The following PLEKHA7 variants were observed in gnomAD, a reference collection of about 807,000 sequenced individuals.
PLEKHA7 encodes the protein pleckstrin homology domain containing A7, also known as pleckstrin homology domain-containing family A member 7.
A neutral mutation model predicts 170.0 loss-of-function variants in PLEKHA7; 104 were observed. The ratio of observed to expected loss-of-function variants is 0.61; its 90% CI spans 0.52 to 0.72. The LOEUF is 0.72. Among genes scored for constraint, PLEKHA7 ranks in the 30% least tolerant of loss-of-function variants. The probability of loss-of-function intolerance (pLI) is 0.00; values close to 1 mark genes in which losing one functional copy is unlikely to be tolerated. For missense variants in PLEKHA7, 1,615 were observed against 1,671.7 expected (o/e 0.97, Z 0.59); for synonymous variants, 648 against 660.8 (o/e 0.98, Z 0.30).
intron 6 of PLEKHA7, among the ~76,000 whole-genome samples, chr11:16,853,965 G>C (rs1004893292): frequency 1.3e-5 from 2 of 152,228 alleles, no homozygotes; most frequent in African/African-American, 2.4e-5. Flanking sequence ...GATATTTTTA[G>C]ATGCTATGCT....
chr11:16,948,383 A>T (rs1470674841), intron 3 of PLEKHA7, among the ~76,000 whole-genome samples: 3 of 152,226 alleles, frequency 2.0e-5, no homozygotes, highest in African/African-American at 7.2e-5. Flanking sequence ...GCCATTCCAC[A>T]GCTATCAAAA....
At position 16,789,305 on chromosome 11, in the gene PLEKHA7, G is replaced by A; in HGVS notation, c.3157-9C>T. 6.2e-7 allele frequency: 1 copy of A among 1,612,322 alleles called. No homozygotes were observed. The highest frequency in any genetic ancestry group is 1.1e-5 in the South Asian group (1 of 91,072). ...AAGGCACTCTTAGGTCTCTGAGGAAGAGGAGGCAGGCAAGAGAGACACAGA... is the reference window on the plus strand; with the variant it reads ...AAGGCACTCTTAGGTCTCTGAGGAAAAGGAGGCAGGCAAGAGAGACACAGA... On this transcript the variant is annotated splice_polypyrimidine_tract_variant and intron_variant, in intron 22 of 26. Coordinates refer to ENST00000531066, the MANE Select transcript of PLEKHA7 (RefSeq NM_001329630.2). This position sits in a 1 kb window ranked among gnomAD's most constrained non-coding sequence, Gnocchi z 4.6.
intron 3 of PLEKHA7, among the ~76,000 whole-genome samples, chr11:16,925,670 G>C (rs1237146769): frequency 6.6e-6 from 1 of 152,174 alleles, no homozygotes; most frequent in African/African-American, 2.4e-5. Context: ...GGAGCGCGCC[G>C]GGGCCTCAGC....
chr11:16,880,010 A>C lies in PLEKHA7; in HGVS notation c.222-8828T>G, dbSNP rs573565016. On this transcript the variant is annotated intron_variant, in intron 3 of 26. Coordinates refer to ENST00000531066, the MANE Select transcript of PLEKHA7 (RefSeq NM_001329630.2). ...ATTTCACAGGATCCCAGCAGCCATG[A>C]GAACATTAAAGCCAAGATTCTGATA... 3.7e-4 allele frequency among the ~76,000 whole-genome samples: 56 copies of C among 152,356 alleles called. No individual in the cohort carries two copies. In the South Asian group the frequency reaches 0.011, roughly 30 times the overall value.
At chr11:16,913,901 C>A (rs893874877) in intron 3 of PLEKHA7, among the ~76,000 whole-genome samples, 1 of 152,134 alleles carries the variant, frequency 6.6e-6, no homozygotes, top group Non-Finnish European at 1.5e-5. Context: ...TGTGCTTATT[C>A]TTTGATCTAG....
intron 3 of PLEKHA7, among the ~76,000 whole-genome samples, chr11:16,952,403 G>T (rs1427465419): frequency 6.6e-6 from 1 of 152,114 alleles, no homozygotes; most frequent in African/African-American, 2.4e-5. Flanking sequence ...AACATAGAGT[G>T]CTTGGGGCCC....
rs1238748957 is a variant in PLEKHA7, at chr11:16,783,800, G to A, written c.3550C>T (p.Arg1184Cys). ...TCTTCGGGATCTAGCTCCACGTAGC[G>A]CTCAGGGATTGACACCTTCTCTGGT... ...SKPEKVSIPE[R>C]YVELDPEEPP... is the part of the protein sequence containing the mutation. The change falls in exon 25 of 27, where the codon CGC (arginine) becomes TGC (cysteine). Residue 1184 changes from arginine (R) to cysteine (C), a missense_variant. Transcript: ENST00000531066. The A allele has an allele frequency of 2.6e-6, 4 of 1,510,236 alleles. No individual in the cohort carries two copies. The highest frequency in any genetic ancestry group is 3.5e-6 in the Non-Finnish European group (4 of 1,134,576). The allele number at this position is 1,510,236 out of a possible 1,614,324, so 93.6% of individuals were successfully genotyped here. A position where few individuals can be genotyped will look rare whatever the true frequency, so the allele number is the denominator to read the frequency against.
chr11:17,007,509 A>T (rs983253688), intron 3 of PLEKHA7, among the ~76,000 whole-genome samples: 2 of 151,666 alleles, frequency 1.3e-5, no homozygotes, highest in Non-Finnish European at 2.9e-5. Context: ...ATTTTTTTTT[A>T]AATGACAAGT....
rs945566167 is a variant in PLEKHA7, at chr11:16,789,312, C to G, written c.3157-16G>C. ...TCTTAGGTCTCTGAGGAAGAGGAGG[C>G]AGGCAAGAGAGACACAGAACAGCTG... On this transcript the variant is annotated splice_polypyrimidine_tract_variant and intron_variant, in intron 22 of 26. Coordinates refer to ENST00000531066, the MANE Select transcript of PLEKHA7 (RefSeq NM_001329630.2). The surrounding 1 kb of genome is among the most constrained non-coding windows in gnomAD (Gnocchi z 4.6). The G allele has an allele frequency of 6.2e-7, 1 of 1,611,340 alleles. No homozygotes were observed. The highest frequency in any genetic ancestry group is 1.7e-5 in the Admixed American group (1 of 60,018).
chr11:16,992,081 C>CT (rs1236270142), intron 3 of PLEKHA7, among the ~76,000 whole-genome samples: 1 of 152,032 alleles, frequency 6.6e-6, no homozygotes, highest in African/African-American at 2.4e-5. Context: ...AGGGACCCCC[C>CT]CCAGCCTGGG....
chr11:16,940,454 A>G (rs1860614070), intron 3 of PLEKHA7, among the ~76,000 whole-genome samples: 1 of 151,572 alleles, frequency 6.6e-6, no homozygotes, highest in Non-Finnish European at 1.5e-5. Context: ...TGCCTGGCTA[A>G]TTTTTTTGTA....
intron 3 of PLEKHA7, among the ~76,000 whole-genome samples, chr11:16,887,994 T>G (rs547767455): frequency 2.3e-3 from 327 of 144,852 alleles, no homozygotes; most frequent in African/African-American, 8.3e-3. Context: ...GGGGAGCACC[T>G]CTGCCCCGCC....
chr11:16,791,771 C>T lies in PLEKHA7; in HGVS notation c.2746-572G>A. 2.3e-6 allele frequency: 1 copy of T among 428,126 alleles called. No homozygotes were observed. Among genetic ancestry groups the T allele is most frequent in the Non-Finnish European group, 4.7e-6 (1 of 211,538 alleles). 26.5% of individuals were successfully genotyped at this position (428,126 alleles called of 1,614,324 possible). A position where few individuals can be genotyped will look rare whatever the true frequency, so the allele number is the denominator to read the frequency against. Reference sequence around the variant, plus strand: ...TTCCTCCTTCCTGACTCAGACAGAACAGGCGGTCAGGATGAGTGACTCACT... The same window carrying T: ...TTCCTCCTTCCTGACTCAGACAGAATAGGCGGTCAGGATGAGTGACTCACT... On this transcript the variant is annotated intron_variant, in intron 19 of 26. Coordinates refer to ENST00000531066, the MANE Select transcript of PLEKHA7 (RefSeq NM_001329630.2). The surrounding 1 kb of genome is among the most constrained non-coding windows in gnomAD (Gnocchi z 4.5).
chr11:16,993,202 A>G (rs1864149522), intron 3 of PLEKHA7, among the ~76,000 whole-genome samples: 1 of 152,194 alleles, frequency 6.6e-6, no homozygotes, highest in African/African-American at 2.4e-5. Flanking sequence ...CAAAGGCCTC[A>G]GAGAAATCAG....
chr11:16,785,796 A>T (rs1265543576), intron 24 of PLEKHA7, among the ~76,000 whole-genome samples: 1 of 151,854 alleles, frequency 6.6e-6, no homozygotes, highest in Non-Finnish European at 1.5e-5. Context: ...CCTGCCCCCC[A>T]TTTTCCCCTA....
chr11:16,856,122 C>T (rs1477901032), intron 4 of PLEKHA7, among the ~76,000 whole-genome samples: 5 of 152,312 alleles, frequency 3.3e-5, no homozygotes, highest in South Asian at 2.1e-4. Context: ...GACAGATAGG[C>T]ACATCTCCAC....
chr11:16,828,816 A>C (rs1454806075), intron 9 of PLEKHA7, among the ~76,000 whole-genome samples: 1 of 152,190 alleles, frequency 6.6e-6, no homozygotes, highest in South Asian at 2.1e-4. Context: ...CTCCAGGCCA[A>C]TCAGAGTTAG....
intron 21 of PLEKHA7, 147 bp from the exon 22 acceptor site, chr11:16,790,025 G>A (rs1302623606): frequency 1.3e-6 from 1 of 743,490 alleles, no homozygotes; most frequent in Non-Finnish European, 2.3e-6. Context: ...AGGGCATGGA[G>A]GAGCAAGGTC....
rs115368906 is a variant in PLEKHA7, at chr11:16,785,962, T to C, written c.3516+267A>G. Among the ~76,000 whole-genome samples the C allele has an allele frequency of 4.4e-3, 672 of 152,330 alleles. 3 individuals carry two copies. Among genetic ancestry groups the C allele is most frequent in the African/African-American group, 0.014 (601 of 41,576 alleles). On this transcript the variant is annotated intron_variant, in intron 24 of 26. Transcript: ENST00000531066. ...GAACATGTGCAGTTACTTAATCCTC[T>C]TCACAACCCACTTCACTGTTGAGGA...
Sources: allele counts gnomAD v4.1 joint callset (sites outside exome capture counted in the v4.1 genomes callset), GRCh38; gene constraint gnomAD v4.1.1; non-coding constraint Gnocchi (gnomAD v3.1); transcripts MANE v1.5; gene names NCBI Gene and HGNC (gene_info 2026-07-23, HGNC 2026-07-21).